TNRC6A: variants seen among roughly 807,000 people sequenced by gnomAD.
The protein encoded by TNRC6A is trinucleotide repeat-containing gene 6A protein.
TNRC6A carries 44 observed loss-of-function variants against 221.2 expected under a neutral mutation model. The ratio of observed to expected loss-of-function variants is 0.20; its 90% CI spans 0.16 to 0.26. The LOEUF is 0.26. Ranked by LOEUF, TNRC6A falls within the 10% of genes least tolerant of loss-of-function variation. The pLI, the probability that TNRC6A is intolerant of heterozygous loss-of-function variation, is 1.00. For synonymous variants in TNRC6A, 847 were observed against 838.5 expected, an observed-to-expected ratio of 1.01 and a Z score of -0.18; for missense variants, 2,199 against 2,404.4, an observed-to-expected ratio of 0.91 and a Z score of 1.79.
intron 2 of TNRC6A, among the ~76,000 whole-genome samples, chr16:24,723,926 T>C (rs2056452808): frequency 6.6e-6 from 1 of 152,230 alleles, no homozygotes; most frequent in South Asian, 2.1e-4. Context: ...ATAGTAGTGA[T>C]AGTACACATA....
chr16:24,801,575 G>T (rs1014075052), intron 11 of TNRC6A, among the ~76,000 whole-genome samples: 1 of 148,548 alleles, frequency 6.7e-6, no homozygotes. Context: ...ACTGAGGCTG[G>T]AGTGCAGTGG....
chr16:24,682,647 G>A (rs1245945427), intron 2 of TNRC6A, among the ~76,000 whole-genome samples: 1 of 152,156 alleles, frequency 6.6e-6, no homozygotes, highest in Non-Finnish European at 1.5e-5. Context: ...GGGGAAGAAT[G>A]ACCACTGTAC....
chr16:24,733,225 C>CT (rs764605172), intron 2 of TNRC6A, among the ~76,000 whole-genome samples: 24 of 151,992 alleles, frequency 1.6e-4, no homozygotes, highest in Non-Finnish European at 3.2e-4. Context: ...AAAAAAAAAT[C>CT]TTTTAATAAC....
intron 6 of TNRC6A, 151 bp downstream of exon 6, chr16:24,791,968 C>A: frequency 1.2e-6 from 1 of 801,984 alleles, no homozygotes; most frequent in Non-Finnish European, 1.8e-6. Flanking sequence ...TGTTTACCAC[C>A]AGAGAACAGA....
chr16:24,681,235 T>G (rs915480802), intron 2 of TNRC6A, among the ~76,000 whole-genome samples: 1 of 152,122 alleles, frequency 6.6e-6, no homozygotes, highest in Non-Finnish European at 1.5e-5. Context: ...GTGTTTTTTG[T>G]TTGTTTGTTT....
At chr16:24,739,561 C>T (rs544845586) in intron 2 of TNRC6A, among the ~76,000 whole-genome samples, 19 of 144,154 alleles carry the variant, frequency 1.3e-4, no homozygotes, top group Non-Finnish European at 2.7e-4. Context: ...TCACTGCAAA[C>T]TCCACCTGCC....
At chr16:24,666,928 C>T (rs1251535038) in intron 2 of TNRC6A, among the ~76,000 whole-genome samples, 3 of 151,280 alleles carry the variant, frequency 2.0e-5, no homozygotes, top group Non-Finnish European at 2.9e-5. Context: ...GCAGCCTGGC[C>T]GATATGACGA....
intron 2 of TNRC6A, among the ~76,000 whole-genome samples, chr16:24,698,900 G>A (rs149538836): frequency 6.6e-6 from 1 of 152,048 alleles, no homozygotes; most frequent in Non-Finnish European, 1.5e-5. Flanking sequence ...AGTAGAGACG[G>A]GGTTTCACTA....
rs1412055346 is a variant in TNRC6A, at chr16:24,777,347, A to G, written c.578A>G (p.Lys193Arg). The G allele has an allele frequency of 6.2e-7, 1 of 1,608,888 alleles. No individual in the cohort carries two copies. The highest frequency in any genetic ancestry group is 8.5e-7 in the Non-Finnish European group (1 of 1,178,696). The stretch of plus-strand genomic sequence containing the variant: ...AATAACGGAGAGGTGCAGAACAGCA[A>G]AAACCAGTCAGGTGAGAGAAGGCAT... ...PQNNGEVQNS[K>R]NQSDINHSTS... The change falls in exon 5 of 25, where the codon AAA becomes AGA. Residue 193 changes from lysine (K) to arginine (R), a missense_variant. By Grantham distance (26) the Lys-to-Arg change is conservative (BLOSUM62 2). Coordinates refer to ENST00000395799, the MANE Select transcript of TNRC6A (RefSeq NM_014494.4).
chr16:24,729,687 G>GCGGCGGCGGCGGTGT lies in TNRC6A; in HGVS notation c.-143_-142insTGTCGGCGGCGGCGG, dbSNP rs1555495641. The GCGGCGGCGGCGGTGT allele has an allele frequency of 8.7e-4, 232 of 266,418 alleles. 1 individual carries two copies. The highest frequency in any genetic ancestry group is 1.1e-3 in the Non-Finnish European group (195 of 178,746). The allele number at this position is 266,418 out of a possible 1,614,324, so 16.5% of individuals were successfully genotyped here. On this transcript the variant is annotated 5_prime_UTR_variant, in exon 1 of 25. Transcript: ENST00000395799. ...GGGGCCTGCGGCGGCGGCGGTGTCG[G>GCGGCGGCGGCGGTGT]CGGCGGCGGCGGCGGCGGCGGCGGC... is the stretch of plus-strand genomic sequence containing the variant.
At chr16:24,747,069 T>C (rs892836690) in intron 2 of TNRC6A, among the ~76,000 whole-genome samples, 3 of 73,162 alleles carry the variant, frequency 4.1e-5, no homozygotes, top group African/African-American at 1.5e-4. Context: ...TAGCTTGATT[T>C]GTTGTGTGGA....
chr16:24,708,217 A>T (rs1201685969), intron 2 of TNRC6A, among the ~76,000 whole-genome samples: 2 of 148,108 alleles, frequency 1.4e-5, no homozygotes, highest in Non-Finnish European at 3.0e-5. Flanking sequence ...TTTTTGGGGT[A>T]CAGGTGGTTT....
chr16:24,743,826 C>T (rs2056945191), intron 2 of TNRC6A, among the ~76,000 whole-genome samples: 1 of 152,168 alleles, frequency 6.6e-6, no homozygotes, highest in African/African-American at 2.4e-5. Flanking sequence ...AAGATCTTTT[C>T]TTGGTAACTA....
At chr16:24,745,468 CA>C (rs1567415790) in intron 2 of TNRC6A, among the ~76,000 whole-genome samples, 1 of 152,270 alleles carries the variant, frequency 6.6e-6, no homozygotes, top group African/African-American at 2.4e-5. Context: ...AGTAGGAGAA[CA>C]GAATGTTTTT....
At chr16:24,741,104 GTTTTACATC>G (rs1190558119) in intron 2 of TNRC6A, among the ~76,000 whole-genome samples, 1 of 152,204 alleles carries the variant, frequency 6.6e-6, no homozygotes, top group Non-Finnish European at 1.5e-5. Flanking sequence ...AATAGAGACA[GTTTTACATC>G]TTCTTTTCCA....
chr16:24,636,372 ATTT>A (rs34517197), intron 1 of TNRC6A, among the ~76,000 whole-genome samples: 12 of 140,292 alleles, frequency 8.6e-5, no homozygotes, highest in Admixed American at 1.4e-4. Context: ...GGACTTTGTG[ATTT>A]TTTTTTTTTT....
rs188708188 is a variant in TNRC6A, at chr16:24,757,756, G to A, written c.142-583G>A. Among the ~76,000 whole-genome samples the A allele has an allele frequency of 2.0e-5, 3 of 152,314 alleles. No homozygotes were observed. In the East Asian group the frequency reaches 5.8e-4, roughly 29 times the overall value. On this transcript the variant is annotated intron_variant, in intron 3 of 24. Transcript: ENST00000395799. ...GTAATTTTAACAGATTGTCAGATGT[G>A]TCAGAAGTGATAAATCAGTTTGAAA...
chr16:24,750,172 G>T (rs2057105036), intron 2 of TNRC6A, among the ~76,000 whole-genome samples: 1 of 152,166 alleles, frequency 6.6e-6, no homozygotes. Flanking sequence ...TGTTTCCCAA[G>T]AATTGATAGA....
At chr16:24,629,200 A>G (rs1174851778) in intron 1 of TNRC6A, among the ~76,000 whole-genome samples, 1 of 152,138 alleles carries the variant, frequency 6.6e-6, no homozygotes, top group Non-Finnish European at 1.5e-5. Context: ...ATTCCCCTAA[A>G]TATTTAACAT....
Sources: gnomAD v4.1 joint callset for allele counts (sites outside exome capture counted in the v4.1 genomes callset) on GRCh38, gnomAD v4.1.1 for gene constraint, MANE v1.5 for transcripts, NCBI Gene and HGNC (gene_info 2026-07-23, HGNC 2026-07-21) for gene names.